The following SPAG16 variants were observed in gnomAD, a reference collection of about 807,000 sequenced individuals.
SPAG16 encodes the protein sperm associated antigen 16.
SPAG16 carries 86 observed loss-of-function variants against 80.4 expected under a neutral mutation model. The observed-to-expected ratio is 1.07, with a 90% CI of 0.90 to 1.28. SPAG16 has a LOEUF of 1.28. Among genes scored for constraint, SPAG16 ranks in the 50% most tolerant of loss-of-function variants. The pLI is 0.00. For synonymous variants in SPAG16, 294 were observed against 265.9 expected, an observed-to-expected ratio of 1.11 and a Z score of -1.03; for missense variants, 870 against 765.3, an observed-to-expected ratio of 1.14 and a Z score of -1.61.
At chr2:213,955,457 CTTG>C (rs1207469375) in intron 12 of SPAG16, among the ~76,000 whole-genome samples, 1 of 152,126 alleles carries the variant, frequency 6.6e-6, no homozygotes, top group Non-Finnish European at 1.5e-5. Flanking sequence ...TCATCCTTGA[CTTG>C]TTGGGGTACG....
chr2:213,717,668 T>C (rs555924713), intron 10 of SPAG16, among the ~76,000 whole-genome samples: 7 of 152,260 alleles, frequency 4.6e-5, no homozygotes, highest in African/African-American at 1.7e-4. Context: ...ACTTCAATAC[T>C]GTTCACTATG....
At position 214,154,747 on chromosome 2, in the gene SPAG16, A is replaced by G. The variant is rs1008852259; in HGVS notation, c.1720+5481A>G. 2.2e-4 allele frequency among the ~76,000 whole-genome samples: 33 copies of G among 152,192 alleles called. 1 individual carries two copies. Among genetic ancestry groups the G allele is most frequent in the African/African-American group, 7.7e-4 (32 of 41,464 alleles). On this transcript the variant is annotated intron_variant, in intron 15 of 15. Transcript: ENST00000331683. ...GCAAAATGATCCTGACAAAATTTCC[A>G]AATATTTCTGAGCCTCAGATTTTTT...
In SPAG16 at chr2:213,843,340, C is replaced by T. The variant is rs143571752; in HGVS notation, c.1071-19145C>T. On this transcript the variant is annotated intron_variant, in intron 10 of 15. Coordinates refer to ENST00000331683, the MANE Select transcript of SPAG16 (RefSeq NM_024532.5). ...GCCAGTCATACAGAACCGTACAATCCACAGTGACTAATCTATGCACTTGGT... is the reference window on the plus strand; with the variant it reads ...GCCAGTCATACAGAACCGTACAATCTACAGTGACTAATCTATGCACTTGGT... 1.7e-3 allele frequency among the ~76,000 whole-genome samples: 252 copies of T among 152,140 alleles called. 1 individual carries two copies. The highest frequency in any genetic ancestry group is 5.8e-3 in the African/African-American group (242 of 41,504).
At chr2:214,271,844 C>A (rs970775102) in intron 15 of SPAG16, among the ~76,000 whole-genome samples, 8 of 140,124 alleles carry the variant, frequency 5.7e-5, no homozygotes, top group African/African-American at 8.1e-5. Context: ...TGTGGGAAAC[C>A]CCCCCCCCAA....
At chr2:213,417,999 A>G (rs1018012157) in intron 9 of SPAG16, among the ~76,000 whole-genome samples, 1 of 151,380 alleles carries the variant, frequency 6.6e-6, no homozygotes, top group African/African-American at 2.4e-5. Flanking sequence ...TCAGCCTTCC[A>G]AGTAGTGGAA....
chr2:213,753,973 G>T (rs891770949), intron 10 of SPAG16, among the ~76,000 whole-genome samples: 1 of 152,206 alleles, frequency 6.6e-6, no homozygotes, highest in African/African-American at 2.4e-5. Flanking sequence ...CGTGACATAG[G>T]TTAGAAGCAA....
intron 10 of SPAG16, among the ~76,000 whole-genome samples, chr2:213,657,730 A>C: frequency 6.6e-6 from 1 of 152,164 alleles, no homozygotes; most frequent in East Asian, 1.9e-4. Flanking sequence ...ATCCTCTTAA[A>C]ACCAAAGTTC....
intron 10 of SPAG16, among the ~76,000 whole-genome samples, chr2:213,796,101 G>T (rs2071013194): frequency 6.6e-6 from 1 of 151,880 alleles, no homozygotes. Context: ...CCCCAAAATG[G>T]TTAAAAATTT....
chr2:213,612,875 G>A (rs1574492753), intron 10 of SPAG16, among the ~76,000 whole-genome samples: 1 of 152,002 alleles, frequency 6.6e-6, no homozygotes, highest in Admixed American at 6.6e-5. Context: ...GTAGAGATGT[G>A]TTGGTCAGGC....
chr2:214,101,295 C>A (rs1345127190), intron 13 of SPAG16, among the ~76,000 whole-genome samples: 2 of 151,932 alleles, frequency 1.3e-5, no homozygotes, highest in Non-Finnish European at 2.9e-5. Context: ...CTCCAATTCT[C>A]ACAACATGTG....
At chr2:213,302,544 G>A (rs2062779300) in intron 3 of SPAG16, 1 of 151,818 alleles carries the variant, frequency 6.6e-6, no homozygotes. Context: ...CATGGGAGAT[G>A]TTCACCAATT....
intron 10 of SPAG16, among the ~76,000 whole-genome samples, chr2:213,638,997 G>T (rs1480618185): frequency 1.3e-5 from 2 of 152,064 alleles, no homozygotes; most frequent in Non-Finnish European, 2.9e-5. Context: ...TTTATATAAT[G>T]TTCCTCTTTG....
chr2:213,509,932 A>G (rs894987540), intron 10 of SPAG16, among the ~76,000 whole-genome samples: 1 of 152,232 alleles, frequency 6.6e-6, no homozygotes, highest in African/African-American at 2.4e-5. Context: ...AGACTAATAA[A>G]GAAGAAAAGA....
chr2:213,838,157 A>G (rs1384178661), intron 10 of SPAG16, among the ~76,000 whole-genome samples: 2 of 151,720 alleles, frequency 1.3e-5, no homozygotes, highest in Admixed American at 6.6e-5. Flanking sequence ...AAGGCCAAAG[A>G]GTTTTGTCCT....
chr2:213,447,889 A>C (rs1053755476), intron 9 of SPAG16, among the ~76,000 whole-genome samples: 2 of 152,238 alleles, frequency 1.3e-5, no homozygotes, highest in African/African-American at 4.8e-5. Flanking sequence ...GACCTTGGGA[A>C]TCTTCCCCCT....
intron 10 of SPAG16, among the ~76,000 whole-genome samples, chr2:213,684,068 T>C (rs922689493): frequency 3.9e-5 from 6 of 152,242 alleles, no homozygotes; most frequent in Non-Finnish European, 8.8e-5. Context: ...GATTGGCAGC[T>C]GAAAAAAGTT....
intron 13 of SPAG16, among the ~76,000 whole-genome samples, chr2:214,019,836 C>T (rs771905029): frequency 2.0e-5 from 3 of 152,098 alleles, no homozygotes; most frequent in East Asian, 3.9e-4. Flanking sequence ...CCTAGGTTCT[C>T]GAGAGGTGAC....
chr2:214,019,989 CAA>C (rs1288775044), intron 13 of SPAG16, among the ~76,000 whole-genome samples: 2 of 152,160 alleles, frequency 1.3e-5, no homozygotes, highest in Non-Finnish European at 2.9e-5. Flanking sequence ...CTCACTGTCT[CAA>C]GAGCTGATTG....
At chr2:213,559,819 A>T (rs976583856) in intron 10 of SPAG16, among the ~76,000 whole-genome samples, 1 of 152,084 alleles carries the variant, frequency 6.6e-6, no homozygotes, top group Admixed American at 6.6e-5. Flanking sequence ...CCTCATTTTC[A>T]ACAAAGGTAC....
Sources: allele counts gnomAD v4.1 joint callset (sites outside exome capture counted in the v4.1 genomes callset), GRCh38; gene constraint gnomAD v4.1.1; transcripts MANE v1.5; gene names NCBI Gene and HGNC (gene_info 2026-07-23, HGNC 2026-07-21).